TMEM126B: variants seen among roughly 807,000 people sequenced by gnomAD.
TMEM126B encodes transmembrane protein 126B.
In TMEM126B, 19 loss-of-function variants were observed where a neutral mutation model predicts 16.5. The ratio of observed to expected loss-of-function variants is 1.15; its 90% confidence interval spans 0.80 to 1.69. TMEM126B has a LOEUF of 1.69. Among genes scored for constraint, TMEM126B ranks in the 40% most tolerant of loss-of-function variants. The pLI, the probability that TMEM126B is intolerant of heterozygous loss-of-function variation, is 0.00. For synonymous variants in TMEM126B, 104 were observed against 93.2 expected (o/e 1.12, Z -0.67); for missense variants, 293 against 278.7 (o/e 1.05, Z -0.37).
chr11:85,632,879 G>A (rs570650641), intron 2 of TMEM126B, among the ~76,000 whole-genome samples: 239 of 151,968 alleles, frequency 1.6e-3, no homozygotes, highest in African/African-American at 5.4e-3. Context: ...GTATACATGT[G>A]CCATGCTGGT....
intron 1 of TMEM126B, 73 bp from the exon 2 acceptor site, chr11:85,631,612 ATC>A (rs2082297743): frequency 6.7e-7 from 1 of 1,498,308 alleles, no homozygotes; most frequent in African/African-American, 1.4e-5. Context: ...TCAAATCTGA[ATC>A]TGTAGAATTC....
At chr11:85,631,504 C>T (rs1304209605) in intron 1 of TMEM126B, among the ~76,000 whole-genome samples, 183 bp from the exon 2 acceptor site, 1 of 152,174 alleles carries the variant, frequency 6.6e-6, no homozygotes, top group Non-Finnish European at 1.5e-5. Flanking sequence ...CAATGTCTAA[C>T]AGATAATAAG....
At chr11:85,633,319 G>C (rs968936941) in intron 2 of TMEM126B, among the ~76,000 whole-genome samples, 2 of 152,202 alleles carry the variant, frequency 1.3e-5, no homozygotes, top group African/African-American at 4.8e-5. Context: ...TATATACCCA[G>C]TAATGGGATG....
Position 85,636,067 on chromosome 11 carries a change from A to T in TMEM126B, c.531A>T (p.Pro177=). 1 of 1,600,634 alleles carries T rather than the reference A, an allele frequency of 6.2e-7. No individual in the cohort carries two copies. The change falls in exon 5 of 5, where the codon CCA becomes CCT. Residue 177 remains proline, a synonymous_variant. Transcript: ENST00000358867. ...LATKYHTVPL[P]PKGRVLIHWM... ...TTAGGTATCATACCGTTCCACTGCC[A>T]CCAAAAGGAAGGGTTTTAATCCATT... is the stretch of plus-strand genomic sequence containing the variant.
At chr11:85,631,367 T>C in intron 1 of TMEM126B, 1 of 1,158,698 alleles carries the variant, frequency 8.6e-7, no homozygotes, top group Non-Finnish European at 1.1e-6. Context: ...TTTCAGACCT[T>C]CAGTTTGCTC....
intron 1 of TMEM126B, among the ~76,000 whole-genome samples, 175 bp downstream of exon 1, chr11:85,628,863 T>C (rs533329556): frequency 6.6e-6 from 1 of 152,364 alleles, no homozygotes; most frequent in Admixed American, 6.5e-5. Context: ...GGAGAGAACG[T>C]AGATGACCTA....
chr11:85,636,283 C>T lies in TMEM126B; in HGVS notation c.*54C>T. 1.6e-6 allele frequency: 2 copies of T among 1,286,478 alleles called. No homozygotes were observed. Among genetic ancestry groups the T allele is most frequent in the Non-Finnish European group, 1.0e-6 (1 of 975,668 alleles). 79.7% of individuals were successfully genotyped at this position (1,286,478 alleles called of 1,614,324 possible). A position where few individuals can be genotyped will look rare whatever the true frequency, so the allele number is the denominator to read the frequency against. ...CAAAATGAAGTTTCTATAAAGAGGA[C>T]TCAGGCATTGCTGAAAGAGTTAAAA... On this transcript the variant is annotated 3_prime_UTR_variant, in exon 5 of 5. Transcript: ENST00000358867.
Position 85,631,673 on chromosome 11 carries a change from AT to A in TMEM126B, c.82-5del, listed in dbSNP as rs753047056. ...TATCATTAGCTATTATGGCTCTGGA[AT>A]TTTTTTTTCCAGGTTTTCAAGATGG... On this transcript the variant is annotated splice_polypyrimidine_tract_variant and intron_variant, in intron 1 of 4. Coordinates refer to ENST00000358867, the MANE Select transcript of TMEM126B (RefSeq NM_018480.7). The A allele has an allele frequency of 2.4e-4, 374 of 1,587,456 alleles. No homozygotes were observed. Among genetic ancestry groups the A allele is most frequent in the Non-Finnish European group, 2.9e-4 (334 of 1,171,870 alleles).
upstream of TMEM126B, chr11:85,628,574 C>A (rs1319509757): frequency 5.2e-6 from 8 of 1,525,556 alleles, no homozygotes; most frequent in Non-Finnish European, 7.0e-6. Flanking sequence ...CGTTCTGGGT[C>A]CCCGCCCACC....
At chr11:85,632,465 G>C (rs2082320769) in intron 2 of TMEM126B, among the ~76,000 whole-genome samples, 2 of 152,196 alleles carry the variant, frequency 1.3e-5, no homozygotes, top group South Asian at 4.1e-4. Flanking sequence ...TGGCCATTTT[G>C]ACTTTTAAAT....
chr11:85,635,817 T>C, intron 4 of TMEM126B, 39 bp downstream of exon 4: 1 of 1,330,426 alleles, frequency 7.5e-7, no homozygotes, highest in Non-Finnish European at 1.0e-6. Flanking sequence ...TTTTCTTTTC[T>C]TTTCTTTTTT....
rs1417787043 is a variant in TMEM126B at position 85,634,258 on chromosome 11, G to C, written c.376G>C (p.Val126Leu). The C allele has an allele frequency of 2.5e-6, 4 of 1,613,094 alleles. No individual in the cohort carries two copies. The highest frequency in any genetic ancestry group is 3.4e-6 in the Non-Finnish European group (4 of 1,179,612). The part of the protein sequence containing the change: ...LSTVVTDKLF[V>L]IDALYSDNIS... Reference sequence around the variant, plus strand: ...TACTGTTGTTACTGACAAGCTTTTTGTAATTGATGCTTTGTATTCAGGTGA... The same window carrying C: ...TACTGTTGTTACTGACAAGCTTTTTCTAATTGATGCTTTGTATTCAGGTGA... The change falls in exon 3 of 5, where the codon GTA (valine) becomes CTA (leucine). Residue 126 changes from valine (V) to leucine (L), a missense_variant. Coordinates refer to ENST00000358867, the MANE Select transcript of TMEM126B (RefSeq NM_018480.7).
intron 2 of TMEM126B, among the ~76,000 whole-genome samples, chr11:85,632,962 CCCA>C (rs2082331050): frequency 6.6e-6 from 1 of 151,888 alleles, no homozygotes; most frequent in African/African-American, 2.4e-5. Context: ...CTCCTCCCAC[CCCA>C]CAACAGTCCC....
chr11:85,629,234 A>G, intron 1 of TMEM126B: 1 of 1,289,396 alleles, frequency 7.8e-7, no homozygotes, highest in Non-Finnish European at 1.0e-6. Context: ...TCCCTAAATT[A>G]TGAGCGAATG....
chr11:85,636,000 T>C, intron 4 of TMEM126B, 46 bp from the exon 5 acceptor site: 10 of 1,513,154 alleles, frequency 6.6e-6, no homozygotes, highest in Non-Finnish European at 7.9e-6. Context: ...AAACTTCTAA[T>C]AGCATTCATA....
intron 3 of TMEM126B, 96 bp downstream of exon 3, chr11:85,634,375 T>A (rs2082360947): frequency 1.1e-6 from 1 of 876,230 alleles, no homozygotes; most frequent in African/African-American, 1.8e-5. Flanking sequence ...ATTCTTTACA[T>A]TTATATATTG....
chr11:85,634,422 T>G, intron 3 of TMEM126B, 143 bp downstream of exon 3: 1 of 628,410 alleles, frequency 1.6e-6, no homozygotes, highest in Non-Finnish European at 2.6e-6. Flanking sequence ...CTTGTCATAT[T>G]TAATCCCTGC....
rs1452026618 is a variant in TMEM126B, at chr11:85,631,227, C to T, written c.82-460C>T. On this transcript the variant is annotated intron_variant, in intron 1 of 4. Coordinates refer to ENST00000358867, the MANE Select transcript of TMEM126B (RefSeq NM_018480.7). The stretch of plus-strand genomic sequence containing the variant: ...GATGTCAATAAGCAGCCACTGTTTC[C>T]ACCTCCCCACCTGAAGAGCTAGGAG... 1.1e-5 allele frequency: 14 copies of T among 1,289,206 alleles called. No individual in the cohort carries two copies. In the South Asian group the frequency reaches 1.5e-4, roughly 14 times the overall value. The allele number at this position is 1,289,206 out of a possible 1,614,324, so 79.9% of individuals were successfully genotyped here.
chr11:85,629,311 A>C, intron 1 of TMEM126B: 1 of 1,100,436 alleles, frequency 9.1e-7, no homozygotes, highest in Non-Finnish European at 1.2e-6. Context: ...AAAATAATAC[A>C]CATGAAAGCA....
Sources: allele counts gnomAD v4.1 joint callset (sites outside exome capture counted in the v4.1 genomes callset), GRCh38; gene constraint gnomAD v4.1.1; transcripts MANE v1.5; gene names NCBI Gene and HGNC (gene_info 2026-07-23, HGNC 2026-07-21).